The following PBX1 variants were observed in gnomAD, a reference collection of about 807,000 sequenced individuals.
The protein encoded by PBX1 is pre-B-cell leukemia transcription factor 1.
A neutral mutation model predicts 53.4 loss-of-function variants in PBX1; 6 were observed. The ratio of observed to expected loss-of-function variants is 0.11; its 90% CI spans 0.06 to 0.22. PBX1 has a LOEUF of 0.22. PBX1 is among the 10% of genes least tolerant of loss of function. PBX1 has a pLI of 1.00. For synonymous variants in PBX1, 204 were observed against 212.3 expected, an observed-to-expected ratio of 0.96 and a Z score of 0.34; for missense variants, 251 against 551.4, an observed-to-expected ratio of 0.46 and a Z score of 5.46.
intron 2 of PBX1, among the ~76,000 whole-genome samples, chr1:164,766,919 G>A (rs1234702080): frequency 2.0e-5 from 3 of 151,626 alleles, no homozygotes; most frequent in Non-Finnish European, 2.9e-5. Context: ...TGGTAGAGAC[G>A]GGGTTTCACG....
chr1:164,667,412 A>ATG (rs59721347), intron 2 of PBX1, among the ~76,000 whole-genome samples: 120,042 of 147,358 alleles, frequency 0.81, 50,182 homozygotes, highest in East Asian at 0.93. Flanking sequence ...TATGTATAAT[A>ATG]TGTGTGTGTG....
intron 2 of PBX1, among the ~76,000 whole-genome samples, chr1:164,623,971 G>A (rs1657867058): frequency 6.6e-6 from 1 of 152,164 alleles, no homozygotes; most frequent in African/African-American, 2.4e-5. Flanking sequence ...TGGATGAGTG[G>A]AAATCAGACA....
intron 2 of PBX1, among the ~76,000 whole-genome samples, chr1:164,570,361 C>T (rs953040583): frequency 6.6e-6 from 1 of 152,074 alleles, no homozygotes; most frequent in Non-Finnish European, 1.5e-5. Context: ...GTCCCCTTGT[C>T]CCCCACCCCC....
chr1:164,739,612 A>C (rs945256395), intron 2 of PBX1, among the ~76,000 whole-genome samples: 2 of 152,102 alleles, frequency 1.3e-5, no homozygotes, highest in African/African-American at 4.8e-5. Context: ...AATTTGCTTA[A>C]ATTGCTGTCT....
chr1:164,641,034 G>T (rs1035022571), intron 2 of PBX1: 2 of 152,638 alleles, frequency 1.3e-5, no homozygotes, highest in African/African-American at 2.4e-5. Flanking sequence ...TGCAGGGAGA[G>T]ATCATCTCTC....
chr1:164,811,896 C>G, intron 5 of PBX1, 94 bp from the exon 6 acceptor site: 9 of 962,724 alleles, frequency 9.3e-6, no homozygotes, highest in Non-Finnish European at 1.4e-5. Context: ...AATTAGCTTA[C>G]CTCTTCACCT....
At chr1:164,871,326 C>A (rs1337959163) in intron 2 of PBX1, among the ~76,000 whole-genome samples, 1 of 152,146 alleles carries the variant, frequency 6.6e-6, no homozygotes, top group Non-Finnish European at 1.5e-5. Flanking sequence ...GGGAGAGAGC[C>A]AGGCCTTGGA....
intron 2 of PBX1, among the ~76,000 whole-genome samples, chr1:164,746,376 TTTC>T (rs1013414435): frequency 7.2e-5 from 11 of 152,048 alleles, no homozygotes; most frequent in Admixed American, 2.0e-4. Flanking sequence ...ACTATTCTTT[TTTC>T]TTCTTCTTCT....
At chr1:164,881,272 T>C (rs1366775543) in intron 2 of PBX1, among the ~76,000 whole-genome samples, 1 of 144,086 alleles carries the variant, frequency 6.9e-6, no homozygotes, top group Admixed American at 7.2e-5. Context: ...GAAGAAGAAC[T>C]GCAGAGACAC....
chr1:164,820,172 C>T lies in PBX1; in HGVS notation c.1098C>T (p.Asn366=), dbSNP rs186124927. 21 of 1,605,420 alleles carry T rather than the reference C, an allele frequency of 1.3e-5. No individual in the cohort carries two copies. The highest frequency in any genetic ancestry group is 2.2e-5 in the East Asian group (1 of 44,816). Residue 366 remains asparagine (N), a synonymous_variant, in exon 7 of 9, where the codon AAC becomes AAT. Transcript: ENST00000420696. ...DSYQGAQVGA[N]VQSQVDTLRH... is the part of the protein sequence containing the mutation. Reference sequence around the variant, plus strand: ...ACCAAGGGGCCCAGGTTGGAGCCAACGTGCAATCACAGGTAGGGACCCAGC... The same window carrying T: ...ACCAAGGGGCCCAGGTTGGAGCCAATGTGCAATCACAGGTAGGGACCCAGC...
At chr1:164,637,625 G>A (rs1206783141) in intron 2 of PBX1, among the ~76,000 whole-genome samples, 1 of 152,190 alleles carries the variant, frequency 6.6e-6, no homozygotes, top group Non-Finnish European at 1.5e-5. Context: ...GTGACAGATT[G>A]TGACCAATGA....
chr1:164,705,630 T>G (rs1034970988), intron 2 of PBX1, among the ~76,000 whole-genome samples: 2 of 152,222 alleles, frequency 1.3e-5, no homozygotes, highest in Non-Finnish European at 2.9e-5. Flanking sequence ...CTTTTTGATT[T>G]TTCACATGCA....
At chr1:164,807,222 A>T (rs1487103818) in intron 4 of PBX1, among the ~76,000 whole-genome samples, 2 of 152,014 alleles carry the variant, frequency 1.3e-5, no homozygotes, top group African/African-American at 4.8e-5. Flanking sequence ...ACACCACTGC[A>T]CTCCAGCCTG....
intron 8 of PBX1, 127 bp from the exon 9 acceptor site, chr1:164,846,457 T>C: frequency 2.5e-6 from 2 of 796,250 alleles, no homozygotes; most frequent in Non-Finnish European, 4.4e-6. Context: ...AGTTGCCCAT[T>C]TGATGAGTGT....
At chr1:164,822,004 C>T (rs1337866082) in intron 8 of PBX1, among the ~76,000 whole-genome samples, 2 of 151,724 alleles carry the variant, frequency 1.3e-5, no homozygotes, top group African/African-American at 2.4e-5. Flanking sequence ...AAATCCATTG[C>T]ATCCACGTCT....
intron 6 of PBX1, chr1:164,813,793 T>C (rs1669740828): frequency 6.6e-6 from 1 of 152,220 alleles, no homozygotes; most frequent in South Asian, 2.1e-4. Flanking sequence ...TGTAACTATT[T>C]ATTCTTTCCT....
At chr1:164,588,697 G>C (rs1193855033) in intron 2 of PBX1, among the ~76,000 whole-genome samples, 1 of 151,262 alleles carries the variant, frequency 6.6e-6, no homozygotes, top group East Asian at 1.9e-4. Context: ...AAATAAGAGG[G>C]AGAGAGAGAG....
intron 2 of PBX1, among the ~76,000 whole-genome samples, chr1:164,881,907 A>G (rs1249998984): frequency 6.6e-6 from 1 of 152,182 alleles, no homozygotes; most frequent in African/African-American, 2.4e-5. Context: ...CTCCAATGAG[A>G]CTTGCACCTA....
chr1:164,812,127 G>A lies in PBX1; in HGVS notation c.975G>A (p.Ser325=), dbSNP rs750417622. 9.3e-6 allele frequency: 15 copies of A among 1,612,068 alleles called. No homozygotes were observed. Among genetic ancestry groups the A allele is most frequent in the East Asian group, 2.2e-5 (1 of 44,754 alleles). Residue 325 remains serine (S), a synonymous_variant, in exon 6 of 9, where the codon TCG becomes TCA. Coordinates refer to ENST00000420696, the MANE Select transcript of PBX1 (RefSeq NM_002585.4). ...NVSAHGSQAN[S]PSTPNSAGSS... is the part of the protein sequence containing the mutation. ...CAGCCCATGGAAGCCAAGCTAACTC[G>A]CCCTCAACTCCCAACTCGGCTGGTT...
Sources: allele counts gnomAD v4.1 joint callset (sites outside exome capture counted in the v4.1 genomes callset), GRCh38; gene constraint gnomAD v4.1.1; transcripts MANE v1.5; gene names NCBI Gene and HGNC (gene_info 2026-07-23, HGNC 2026-07-21).